MKLN1: variants seen among roughly 807,000 people sequenced by gnomAD.
MKLN1 encodes muskelin.
MKLN1 carries 18 observed loss-of-function variants against 99.0 expected under a neutral mutation model. The observed-to-expected ratio is 0.18, with a 90% CI of 0.13 to 0.27. MKLN1 has a LOEUF of 0.27. Among genes scored for constraint, MKLN1 ranks in the 10% least tolerant of loss-of-function variants. The pLI, the probability that MKLN1 is intolerant of heterozygous loss-of-function variation, is 1.00. For synonymous variants in MKLN1, 288 were observed against 293.2 expected (o/e 0.98, Z 0.18); for missense variants, 621 against 875.9 (o/e 0.71, Z 3.67).
chr7:131,247,435 C>T (rs549739842), intron 3 of MKLN1, among the ~76,000 whole-genome samples: 22 of 152,002 alleles, frequency 1.4e-4, no homozygotes, highest in South Asian at 1.3e-3. Flanking sequence ...AGGCTGGTCT[C>T]GAACTCCTGA....
chr7:131,386,412 C>T (rs1408860172), intron 2 of MKLN1, among the ~76,000 whole-genome samples: 1 of 152,118 alleles, frequency 6.6e-6, no homozygotes, highest in African/African-American at 2.4e-5. Context: ...TTATTCTTAA[C>T]CGTCTTTATC....
chr7:131,290,335 C>T (rs1798198929), intron 3 of MKLN1, among the ~76,000 whole-genome samples: 1 of 152,070 alleles, frequency 6.6e-6, no homozygotes, highest in Admixed American at 6.6e-5. Context: ...AATGAAATTG[C>T]AATCCTCTGT....
chr7:131,328,095 G>C, intron 1 of MKLN1, 98 bp downstream of exon 1: 4 of 1,434,786 alleles, frequency 2.8e-6, no homozygotes, highest in Non-Finnish European at 3.8e-6. Flanking sequence ...AGAGGCCCAG[G>C]CGGGGCCTGC....
intron 3 of MKLN1, among the ~76,000 whole-genome samples, chr7:131,253,500 G>T (rs900598712): frequency 1.3e-5 from 2 of 152,146 alleles, no homozygotes; most frequent in African/African-American, 4.8e-5. Context: ...TGATAAAACT[G>T]GGGCTCCAAT....
intron 1 of MKLN1, among the ~76,000 whole-genome samples, chr7:131,362,377 G>GT (rs1163930543): frequency 6.6e-6 from 1 of 151,818 alleles, no homozygotes; most frequent in Non-Finnish European, 1.5e-5. Context: ...CTGTTGTAAG[G>GT]TTTTTTTGAC....
chr7:131,344,149 A>G (rs1315128050), intron 1 of MKLN1, among the ~76,000 whole-genome samples: 1 of 151,948 alleles, frequency 6.6e-6, no homozygotes, highest in African/African-American at 2.4e-5. Context: ...TTAAGTGATT[A>G]TCTCTGGGTT....
intron 3 of MKLN1, among the ~76,000 whole-genome samples, chr7:131,298,071 C>A (rs1023819889): frequency 3.9e-5 from 6 of 151,976 alleles, no homozygotes; most frequent in African/African-American, 1.5e-4. Flanking sequence ...ATCACGAGGT[C>A]AGGAGATCGA....
At chr7:131,274,045 T>C (rs1797925582) in intron 3 of MKLN1, among the ~76,000 whole-genome samples, 3 of 152,152 alleles carry the variant, frequency 2.0e-5, no homozygotes, top group South Asian at 2.1e-4. Context: ...TGTTTTTCAA[T>C]AGCAAGTAGG....
At chr7:131,259,221 C>T (rs566883824) in intron 3 of MKLN1, among the ~76,000 whole-genome samples, 4 of 152,246 alleles carry the variant, frequency 2.6e-5, no homozygotes, top group South Asian at 2.1e-4. Context: ...TTCCAGAGTG[C>T]ATCACCTCTG....
chr7:131,343,871 T>C (rs1217023317), intron 1 of MKLN1, among the ~76,000 whole-genome samples: 1 of 152,164 alleles, frequency 6.6e-6, no homozygotes, highest in Non-Finnish European at 1.5e-5. Flanking sequence ...GATAGAGATG[T>C]GTTGCCCTAA....
intron 3 of MKLN1, chr7:131,242,983 TC>T: frequency 4.8e-6 from 3 of 623,672 alleles, no homozygotes; most frequent in South Asian, 4.2e-5. Flanking sequence ...AAGCGGTTCT[TC>T]CAGAAGCTGC....
chr7:131,388,926 GCA>G lies in MKLN1; in HGVS notation c.355_356del (p.His119Ter), dbSNP rs775270086. The G allele has an allele frequency of 6.2e-7, 1 of 1,610,230 alleles. No individual in the cohort carries two copies. Among genetic ancestry groups the G allele is most frequent in the South Asian group, 1.1e-5 (1 of 90,510 alleles). On this transcript the variant is annotated frameshift_variant, in exon 4 of 18. Coordinates refer to ENST00000352689, the MANE Select transcript of MKLN1 (RefSeq NM_013255.5). LOFTEE classifies it high-confidence loss of function. ...DYNKETFTLK[H>X]KIDEQMFPCR... ...ATAACAAAGAAACATTCACCTTGAAGCATAAAATTGATGAACAGATGTTCCCT... is the reference window on the plus strand; with the variant it reads ...ATAACAAAGAAACATTCACCTTGAAGTAAAATTGATGAACAGATGTTCCCT...
At chr7:131,262,132 A>G (rs976950360) in intron 3 of MKLN1, among the ~76,000 whole-genome samples, 15 of 151,774 alleles carry the variant, frequency 9.9e-5, no homozygotes, top group African/African-American at 3.1e-4. Flanking sequence ...CTAAAAAAAG[A>G]TTTTTTTTTA....
chr7:131,147,217 A>ATT (rs71168371), intron 2 of MKLN1, among the ~76,000 whole-genome samples: 6,872 of 136,204 alleles, frequency 0.05, 314 homozygotes, highest in African/African-American at 0.12. Flanking sequence ...ACACCCAGCT[A>ATT]TTTTTTTTTT....
At chr7:131,154,233 T>C (rs1198428845) in intron 2 of MKLN1, among the ~76,000 whole-genome samples, 1 of 151,806 alleles carries the variant, frequency 6.6e-6, no homozygotes, top group Non-Finnish European at 1.5e-5. Flanking sequence ...GTGGAGGGGA[T>C]AGGGATAGAA....
intron 1 of MKLN1, among the ~76,000 whole-genome samples, chr7:131,352,308 T>C (rs1308079876): frequency 1.3e-5 from 2 of 152,168 alleles, no homozygotes; most frequent in African/African-American, 2.4e-5. Context: ...AAAATGACTT[T>C]ATATAACATG....
chr7:131,175,173 TAGATAGATAGAC>T (rs377145195), intron 2 of MKLN1, among the ~76,000 whole-genome samples: 6,319 of 108,416 alleles, frequency 0.058, 220 homozygotes, highest in African/African-American at 0.13. Flanking sequence ...TAGATTAGAT[TAGATAGATAGAC>T]AGATAGATAG....
intron 4 of MKLN1, among the ~76,000 whole-genome samples, chr7:131,389,901 C>CAA (rs995153689): frequency 2.8e-5 from 4 of 145,078 alleles, no homozygotes; most frequent in African/African-American, 1.0e-4. Flanking sequence ...AAAAAAAAAC[C>CAA]AAAAAAAAAA....
chr7:131,439,607 A>G (rs556774027), intron 10 of MKLN1, among the ~76,000 whole-genome samples: 21 of 152,172 alleles, frequency 1.4e-4, no homozygotes, highest in Non-Finnish European at 2.6e-4. Flanking sequence ...TGTTTATGAC[A>G]CTCCAAAAAT....
Sources: gnomAD v4.1 joint callset for allele counts (sites outside exome capture counted in the v4.1 genomes callset) on GRCh38, gnomAD v4.1.1 for gene constraint, MANE v1.5 for transcripts, NCBI Gene and HGNC (gene_info 2026-07-23, HGNC 2026-07-21) for gene names.